The following ABCB5 variants were observed in gnomAD, a reference collection of about 807,000 sequenced individuals.
The protein encoded by ABCB5 is ATP-binding cassette sub-family B member 5.
ABCB5 carries 155 observed loss-of-function variants against 144.2 expected under a neutral mutation model. The ratio of observed to expected loss-of-function variants is 1.08; its 90% confidence interval spans 0.94 to 1.23. The LOEUF (loss-of-function observed/expected upper bound fraction) is 1.23, where lower values mean the gene tolerates loss of function less well. ABCB5 is among the 50% of genes most tolerant of loss of function. The pLI is 0.00. For synonymous variants in ABCB5, 610 were observed against 528.6 expected (o/e 1.15, Z -2.11); for missense variants, 1,830 against 1,520.8 (o/e 1.20, Z -3.38).
chr7:20,624,398 C>T lies in ABCB5; in HGVS notation c.53+1060C>T, dbSNP rs150687166. 2.2e-3 allele frequency among the ~76,000 whole-genome samples: 336 copies of T among 152,320 alleles called. 1 individual carries two copies. Among genetic ancestry groups the T allele is most frequent in the African/African-American group, 7.8e-3 (326 of 41,564 alleles). On this transcript the variant is annotated intron_variant, in intron 2 of 27. Transcript: ENST00000404938. Reference sequence around the variant, plus strand: ...AAGTGGTCATGATAATAATACACTACAGACCTCATTGGTGAACCAAAAAAA... The same window carrying T: ...AAGTGGTCATGATAATAATACACTATAGACCTCATTGGTGAACCAAAAAAA...
At position 20,711,288 on chromosome 7, in the gene ABCB5, T is replaced by C. The variant is rs1158922155; in HGVS notation, c.2421+6481T>C. On this transcript the variant is annotated intron_variant, in intron 20 of 27. Coordinates refer to ENST00000404938, the MANE Select transcript of ABCB5 (RefSeq NM_001163941.2). Reference sequence around the variant, plus strand: ...AGGTACCTATTTCCATTGGTATCATTTTCCTTCTGCATCCAGGTCTTTTTT... The same window carrying C: ...AGGTACCTATTTCCATTGGTATCATCTTCCTTCTGCATCCAGGTCTTTTTT... Among the ~76,000 whole-genome samples, 10 of 149,916 alleles carry C rather than the reference T, an allele frequency of 6.7e-5. 1 individual carries two copies. In the East Asian group the frequency reaches 1.8e-3, roughly 27 times the overall value.
intron 9 of ABCB5, among the ~76,000 whole-genome samples, chr7:20,646,386 T>A (rs1466225286): frequency 6.6e-6 from 1 of 152,244 alleles, no homozygotes; most frequent in Non-Finnish European, 1.5e-5. Context: ...GAATCATAAT[T>A]GAATTCCCCA....
Position 20,632,227 on chromosome 7 carries a change from T to C in ABCB5, c.314+114T>C. On this transcript the variant is annotated intron_variant, in intron 5 of 27. Transcript: ENST00000404938. ...ACCATTAATATTACATAACAAATGATTAAAGCAAACATTTCCTCTTCTTTC... is the reference window on the plus strand; with the variant it reads ...ACCATTAATATTACATAACAAATGACTAAAGCAAACATTTCCTCTTCTTTC... The C allele has an allele frequency of 4.8e-6, 3 of 622,702 alleles. No homozygotes were observed. In the South Asian group the frequency reaches 8.5e-5, roughly 18 times the overall value. 38.6% of individuals were successfully genotyped at this position (622,702 alleles called of 1,614,324 possible). A position where few individuals can be genotyped will look rare whatever the true frequency, so the allele number is the denominator to read the frequency against.
chr7:20,632,110 C>G lies in ABCB5; in HGVS notation c.311C>G (p.Thr104Ser), dbSNP rs368740282. The part of the protein sequence containing the change: ...QSQEKLNEDM[T>S]LLTLYYVGIG... Reference sequence around the variant, plus strand: ...CAAGAGAAGCTGAATGAAGATATGACTCTGTAAGTCCAAATGAAACGTTAA... The same window carrying G: ...CAAGAGAAGCTGAATGAAGATATGAGTCTGTAAGTCCAAATGAAACGTTAA... The change falls in exon 5 of 28, where the codon ACT becomes AGT. Residue 104 changes from threonine (T) to serine (S), a missense_variant. Thr to Ser is a moderately conservative substitution (Grantham distance 58). Transcript: ENST00000404938. 2.7e-5 allele frequency: 41 copies of G among 1,514,024 alleles called. No homozygotes were observed. In the African/African-American group the frequency reaches 4.3e-4, roughly 16 times the overall value. The allele number at this position is 1,514,024 out of a possible 1,614,324, so 93.8% of individuals were successfully genotyped here.
intron 16 of ABCB5, among the ~76,000 whole-genome samples, chr7:20,686,524 C>T (rs116201787): frequency 0.032 from 4,808 of 152,174 alleles, 179 homozygotes; most frequent in African/African-American, 0.083. Flanking sequence ...CTCTGCAGCA[C>T]CCTTTTACAA....
intron 23 of ABCB5, 33 bp from the exon 24 acceptor site, chr7:20,738,950 G>T: frequency 1.3e-6 from 2 of 1,543,382 alleles, no homozygotes; most frequent in South Asian, 1.3e-5. Flanking sequence ...AGGATCGATG[G>T]ACCTAAGATT....
At chr7:20,698,174 T>C (rs577166609) in intron 16 of ABCB5, among the ~76,000 whole-genome samples, 1 of 152,144 alleles carries the variant, frequency 6.6e-6, no homozygotes, top group Non-Finnish European at 1.5e-5. Flanking sequence ...CTGAGTGAAA[T>C]GCCAAAAAGT....
chr7:20,681,607 G>A lies in ABCB5; in HGVS notation c.1810G>A (p.Gly604Arg). Residue 604 changes from glycine to arginine, a missense_variant, in exon 15 of 28, where the codon GGA becomes AGA. By Grantham distance (125) the Gly-to-Arg change is moderately radical (BLOSUM62 -2). Transcript: ENST00000404938. ...TLKDGMLAEK[G>R]AHAELMAKRG... ...AAAGGATGGAATGCTGGCGGAGAAAGGAGCACATGCTGAACTAATGGCAAA... is the reference window on the plus strand; with the variant it reads ...AAAGGATGGAATGCTGGCGGAGAAAAGAGCACATGCTGAACTAATGGCAAA... 1 of 1,614,196 alleles carries A rather than the reference G, an allele frequency of 6.2e-7. No individual in the cohort carries two copies. The highest frequency in any genetic ancestry group is 8.5e-7 in the Non-Finnish European group (1 of 1,180,036).
In ABCB5 at chr7:20,713,278, G is replaced by A. The variant is rs75186158; in HGVS notation, c.2421+8471G>A. 7.7e-4 allele frequency among the ~76,000 whole-genome samples: 114 copies of A among 148,754 alleles called. 9 individuals carry two copies. Among genetic ancestry groups the A allele is most frequent in the African/African-American group, 2.5e-3 (101 of 40,178 alleles). ...AGACAGGGTCTCATTTTGTTACCCA[G>A]GCTCAAGTGCAGTGGCATGAACACA... On this transcript the variant is annotated intron_variant, in intron 20 of 27. Transcript: ENST00000404938.
In ABCB5 at chr7:20,727,121, A is replaced by G. The variant is rs1782062006; in HGVS notation, c.2707A>G (p.Met903Val). 2 of 1,613,322 alleles carry G rather than the reference A, an allele frequency of 1.2e-6. No homozygotes were observed. ...AGCCTTCGAGCAAATGTATGAAGAGATGCTTCAGACTCAACACAGGTGATT... is the reference window on the plus strand; with the variant it reads ...AGCCTTCGAGCAAATGTATGAAGAGGTGCTTCAGACTCAACACAGGTGATT... ...EKAFEQMYEE[M>V]LQTQHRNTSK... The change falls in exon 22 of 28, where the codon ATG becomes GTG. Residue 903 changes from methionine to valine, a missense_variant. Coordinates refer to ENST00000404938, the MANE Select transcript of ABCB5 (RefSeq NM_001163941.2).
intron 16 of ABCB5, among the ~76,000 whole-genome samples, chr7:20,692,951 T>C (rs1032426251): frequency 1.3e-5 from 2 of 152,176 alleles, no homozygotes; most frequent in Admixed American, 1.3e-4. Flanking sequence ...TTCTACTAAA[T>C]CTTAGTAGAA....
At chr7:20,686,735 C>T (rs1786014946) in intron 16 of ABCB5, among the ~76,000 whole-genome samples, 1 of 152,088 alleles carries the variant, frequency 6.6e-6, no homozygotes, top group Non-Finnish European at 1.5e-5. Context: ...CCATCTCACA[C>T]CTATCCTTGG....
At chr7:20,657,783 G>A (rs1784858191) in intron 13 of ABCB5, among the ~76,000 whole-genome samples, 1 of 152,062 alleles carries the variant, frequency 6.6e-6, no homozygotes, top group South Asian at 2.1e-4. Flanking sequence ...TCTTCAAAAA[G>A]CCTGATTTTT....
chr7:20,730,449 C>G (rs1255463974), intron 23 of ABCB5, among the ~76,000 whole-genome samples: 1 of 152,184 alleles, frequency 6.6e-6, no homozygotes, highest in African/African-American at 2.4e-5. Flanking sequence ...GCAGAGGTTG[C>G]AATGAGCCAA....
At chr7:20,659,315 T>C in intron 14 of ABCB5, 4 of 1,411,914 alleles carry the variant, frequency 2.8e-6, no homozygotes, top group Non-Finnish European at 3.7e-6. Context: ...CCTGACTCCC[T>C]TATAAACCAG....
At chr7:20,669,041 G>A (rs1339692682) in intron 14 of ABCB5, among the ~76,000 whole-genome samples, 1 of 137,068 alleles carries the variant, frequency 7.3e-6, no homozygotes, top group South Asian at 2.5e-4. Context: ...CTGCCCGGCC[G>A]CCCCTACTGG....
At chr7:20,642,887 T>C (rs1394826993) in intron 5 of ABCB5, among the ~76,000 whole-genome samples, 2 of 152,196 alleles carry the variant, frequency 1.3e-5, no homozygotes, top group African/African-American at 2.4e-5. Context: ...ATTACCTTGA[T>C]TGACTCAATG....
At chr7:20,666,730 G>A (rs376055235) in intron 14 of ABCB5, 2 of 1,594,812 alleles carry the variant, frequency 1.3e-6, no homozygotes, top group Non-Finnish European at 1.7e-6. Context: ...GGAGATACTA[G>A]GAAATTCTTT....
intron 19 of ABCB5, 53 bp from the exon 20 acceptor site, chr7:20,704,671 C>A: frequency 6.9e-7 from 1 of 1,450,028 alleles, no homozygotes; most frequent in South Asian, 1.2e-5. Context: ...AATCACAAGT[C>A]AGATAAAAAA....
Sources: allele counts gnomAD v4.1 joint callset (sites outside exome capture counted in the v4.1 genomes callset), GRCh38; gene constraint gnomAD v4.1.1; transcripts MANE v1.5; gene names NCBI Gene and HGNC (gene_info 2026-07-23, HGNC 2026-07-21).